The following ZBED1 variants were observed in gnomAD, a reference collection of about 807,000 sequenced individuals.
ZBED1 encodes E3 SUMO-protein ligase ZBED1.
In ZBED1, 19 loss-of-function variants were observed where a neutral mutation model predicts 49.7. That is an observed-to-expected ratio of 0.38 (90% CI 0.27 to 0.56). ZBED1 has a LOEUF of 0.56. ZBED1 is among the 20% of genes least tolerant of loss of function. The pLI is 0.70. For synonymous variants in ZBED1, 439 were observed against 440.3 expected, an observed-to-expected ratio of 1.00 and a Z score of 0.04; for missense variants, 806 against 972.6, an observed-to-expected ratio of 0.83 and a Z score of 2.28.
rs2045100107 is a variant in ZBED1 at position 2,490,303 on chromosome X, G to A, written c.417C>T (p.Tyr139=). The change falls in exon 2 of 2, where the codon TAC becomes TAT. Residue 139 remains tyrosine, a synonymous_variant. Coordinates refer to ENST00000652001, the MANE Select transcript of ZBED1 (RefSeq NM_001171136.2). ...TGGGCTCGTCCACGATGGAGGCTGGGTACAGCCCCTCGCAGATGAGGCCCA... is the reference window on the plus strand; with the variant it reads ...TGGGCTCGTCCACGATGGAGGCTGGATACAGCCCCTCGCAGATGAGGCCCA... ...AVLGLICEGL[Y]PASIVDEPTF... The A allele has an allele frequency of 1.9e-6, 3 of 1,613,402 alleles. No homozygotes were observed. Among genetic ancestry groups the A allele is most frequent in the South Asian group, 2.2e-5 (2 of 91,046 alleles).
chrX:2,494,493 G>A (rs2045233726), intron 1 of ZBED1, among the ~76,000 whole-genome samples: 1 of 151,886 alleles, frequency 6.6e-6, no homozygotes, highest in African/African-American at 2.4e-5. Context: ...GCCAGGACCT[G>A]TAGTAAAGGT....
intron 1 of ZBED1, among the ~76,000 whole-genome samples, chrX:2,497,990 C>G (rs2045323718): frequency 6.6e-6 from 1 of 152,200 alleles, no homozygotes; most frequent in African/African-American, 2.4e-5. Context: ...AACACAGAGA[C>G]AGACCCTCTT....
chrX:2,499,873 C>T (rs2045372235), intron 1 of ZBED1, among the ~76,000 whole-genome samples: 1 of 152,130 alleles, frequency 6.6e-6, no homozygotes, highest in South Asian at 2.1e-4. Context: ...AGCAAGACCC[C>T]GTCTACAAAA....
chrX:2,489,051 C>T lies in ZBED1; in HGVS notation c.1669G>A (p.Gly557Ser), dbSNP rs762013715. Residue 557 changes from glycine to serine, a missense_variant, in exon 2 of 2, where the codon GGC becomes AGC. By Grantham distance (56) the Gly-to-Ser change is moderately conservative. Coordinates refer to ENST00000652001, the MANE Select transcript of ZBED1 (RefSeq NM_001171136.2). Reference sequence around the variant, plus strand: ...TGCCACTCTTCCTGGTCCTCCACGCCGCCTGTCTGGCAGAAGATCTCGGCC... The same window carrying T: ...TGCCACTCTTCCTGGTCCTCCACGCTGCCTGTCTGGCAGAAGATCTCGGCC... ...MLAEIFCQTG[G>S]VEDQEEWHAQ... 13 of 1,613,716 alleles carry T rather than the reference C, an allele frequency of 8.1e-6. No individual in the cohort carries two copies. The highest frequency in any genetic ancestry group is 2.2e-5 in the East Asian group (1 of 44,892).
At chrX:2,490,959 CTCTT>C (rs1364111793) in intron 1 of ZBED1, among the ~76,000 whole-genome samples, 187 bp from the exon 2 acceptor site, 2 of 152,220 alleles carry the variant, frequency 1.3e-5, no homozygotes, top group African/African-American at 4.8e-5. Flanking sequence ...CAGGAATACG[CTCTT>C]TCTTCCACGT....
chrX:2,490,012 G>A lies in ZBED1; in HGVS notation c.708C>T (p.Phe236=), dbSNP rs756239774. The A allele has an allele frequency of 1.7e-5, 28 of 1,613,862 alleles. No homozygotes were observed. Among genetic ancestry groups the A allele is most frequent in the Admixed American group, 1.7e-4 (10 of 60,018 alleles). ...LSMGSRCLKT[F]EVPEENTAET... ...CCGCCGTGTTCTCTTCGGGCACCTC[G>A]AAGGTCTTCAGGCAGCGGGAGCCCA... The change falls in exon 2 of 2, where the codon TTC becomes TTT. Residue 236 remains phenylalanine (F), a synonymous_variant. Coordinates refer to ENST00000652001, the MANE Select transcript of ZBED1 (RefSeq NM_001171136.2).
chrX:2,499,474 A>G (rs1400422076), intron 1 of ZBED1, among the ~76,000 whole-genome samples: 1 of 152,216 alleles, frequency 6.6e-6, no homozygotes, highest in African/African-American at 2.4e-5. Flanking sequence ...TTCTAGGTTT[A>G]AATTGAGAAT....
At position 2,486,802 on chromosome X, in the gene ZBED1, T is replaced by G. The variant is rs2044946638; in HGVS notation, c.*1833A>C. ...CCTTAAAAAGAAAGCAAAGGTTACG[T>G]GGATTTCTCCCGTGCTTCCTTTTCC... On this transcript the variant is annotated 3_prime_UTR_variant, in exon 2 of 2. Transcript: ENST00000652001. The G allele has an allele frequency of 6.6e-6, 1 of 152,252 alleles. No individual in the cohort carries two copies. Among genetic ancestry groups the G allele is most frequent in the African/African-American group, 2.4e-5 (1 of 41,454 alleles). 9.4% of individuals were successfully genotyped at this position (152,252 alleles called of 1,614,324 possible).
Position 2,486,634 on chromosome X carries a change from G to A in ZBED1, c.*2001C>T, listed in dbSNP as rs1207977279. The A allele has an allele frequency of 1.3e-5, 2 of 152,218 alleles. No homozygotes were observed. The highest frequency in any genetic ancestry group is 2.4e-5 in the African/African-American group (1 of 41,458). The allele number at this position is 152,218 out of a possible 1,614,324, so 9.4% of individuals were successfully genotyped here. A position where few individuals can be genotyped will look rare whatever the true frequency, so the allele number is the denominator to read the frequency against. On this transcript the variant is annotated 3_prime_UTR_variant, in exon 2 of 2. Transcript: ENST00000652001. The stretch of plus-strand genomic sequence containing the variant: ...GGCAATGCTACAGAATGGAGCCCAC[G>A]GAGGCGTGGGCTGCCCTGCGTCCCC...
rs377189160 is a variant in ZBED1, at chrX:2,488,617, A to C, written c.*18T>G. 4 of 1,573,686 alleles carry C rather than the reference A, an allele frequency of 2.5e-6. No individual in the cohort carries two copies. The highest frequency in any genetic ancestry group is 3.4e-6 in the Non-Finnish European group (4 of 1,161,824). Reference sequence around the variant, plus strand: ...TGGGCTGCTGCGGGGATGACTTGTAAGACAACACGCTTCCTCGCTACAGGA... The same window carrying C: ...TGGGCTGCTGCGGGGATGACTTGTACGACAACACGCTTCCTCGCTACAGGA... On this transcript the variant is annotated 3_prime_UTR_variant, in exon 2 of 2. Coordinates refer to ENST00000652001, the MANE Select transcript of ZBED1 (RefSeq NM_001171136.2).
chrX:2,499,348 C>A (rs1214812701), intron 1 of ZBED1, among the ~76,000 whole-genome samples: 25 of 152,052 alleles, frequency 1.6e-4, no homozygotes, highest in African/African-American at 6.0e-4. Flanking sequence ...CCCCACCACA[C>A]TGACCCTCTG....
chrX:2,489,309 C>T lies in ZBED1; in HGVS notation c.1411G>A (p.Val471Met), dbSNP rs2045054303. 1.9e-6 allele frequency: 3 copies of T among 1,613,910 alleles called. No homozygotes were observed. The highest frequency in any genetic ancestry group is 2.2e-5 in the East Asian group (1 of 44,862). ...TAGCGGGGGTCCAGGAAGGTGGCCA[C>T]GTTGAGAAACATGTCGATCTCGGGC... ...ETPEIDMFLN[V>M]ATFLDPRYKR... The change falls in exon 2 of 2, where the codon GTG (valine) becomes ATG (methionine). Residue 471 changes from valine (V) to methionine (M), a missense_variant. Physicochemically the swap from Val to Met is conservative, Grantham distance 21. Coordinates refer to ENST00000652001, the MANE Select transcript of ZBED1 (RefSeq NM_001171136.2).
Position 2,488,607 on chromosome X carries a change from A to C in ZBED1, c.*28T>G. ...AAGCATCCAATGGGCTGCTGCGGGG[A>C]TGACTTGTAAGACAACACGCTTCCT... On this transcript the variant is annotated 3_prime_UTR_variant, in exon 2 of 2. Transcript: ENST00000652001. 1 of 1,556,888 alleles carries C rather than the reference A, an allele frequency of 6.4e-7. No individual in the cohort carries two copies. The highest frequency in any genetic ancestry group is 8.7e-7 in the Non-Finnish European group (1 of 1,153,254).
chrX:2,489,721 A>G lies in ZBED1; in HGVS notation c.999T>C (p.Tyr333=). 1 of 1,613,076 alleles carries G rather than the reference A, an allele frequency of 6.2e-7. No homozygotes were observed. Among genetic ancestry groups the G allele is most frequent in the Non-Finnish European group, 8.5e-7 (1 of 1,179,840 alleles). The change falls in exon 2 of 2, where the codon TAT becomes TAC. Residue 333 remains tyrosine, a synonymous_variant. Coordinates refer to ENST00000652001, the MANE Select transcript of ZBED1 (RefSeq NM_001171136.2). ...QQSAVAMYML[Y]EKQKQQNVAH... ...CCACGTTCTGCTGCTTCTGCTTCTCATAGAGCATGTACATGGCCACGGCAG... is the reference window on the plus strand; with the variant it reads ...CCACGTTCTGCTGCTTCTGCTTCTCGTAGAGCATGTACATGGCCACGGCAG...
rs756417678 is a variant in ZBED1 at position 2,493,795 on chromosome X, C to T, written c.-53-3023G>A. On this transcript the variant is annotated intron_variant, in intron 1 of 1. Coordinates refer to ENST00000652001, the MANE Select transcript of ZBED1 (RefSeq NM_001171136.2). ...GACCACCCTGGACAACATGGTGAAACCCCTCCTCTACTAAAAATACAAAAT... is the reference window on the plus strand; with the variant it reads ...GACCACCCTGGACAACATGGTGAAATCCCTCCTCTACTAAAAATACAAAAT... Among the ~76,000 whole-genome samples, 3 of 152,100 alleles carry T rather than the reference C, an allele frequency of 2.0e-5. No homozygotes were observed. In the East Asian group the frequency reaches 5.8e-4, roughly 29 times the overall value.
At position 2,487,770 on chromosome X, in the gene ZBED1, G is replaced by T. The variant is rs1162755262; in HGVS notation, c.*865C>A. The stretch of plus-strand genomic sequence containing the variant: ...CTTTTTGTTAAGTGTCTGCATTTTT[G>T]TACTCATCTGTCACATTTTTAACCG... On this transcript the variant is annotated 3_prime_UTR_variant, in exon 2 of 2. Transcript: ENST00000652001. 6.6e-6 allele frequency: 1 copy of T among 151,442 alleles called. No homozygotes were observed. Among genetic ancestry groups the T allele is most frequent in the Non-Finnish European group, 1.5e-5 (1 of 67,902 alleles). 9.4% of individuals were successfully genotyped at this position (151,442 alleles called of 1,614,324 possible).
At position 2,488,349 on chromosome X, in the gene ZBED1, ATT is replaced by A. The variant is rs1288645261; in HGVS notation, c.*284_*285del. The A allele has an allele frequency of 2.6e-6, 1 of 388,500 alleles. No individual in the cohort carries two copies. The highest frequency in any genetic ancestry group is 4.5e-6 in the Non-Finnish European group (1 of 221,480). The allele number at this position is 388,500 out of a possible 1,614,324, so 24.1% of individuals were successfully genotyped here. A position where few individuals can be genotyped will look rare whatever the true frequency, so the allele number is the denominator to read the frequency against. ...GCCATCAGTCCTGGCTAATTTTTGT[ATT>A]TTTAGTAGAGACGGGGTTTCGCCAT... On this transcript the variant is annotated 3_prime_UTR_variant, in exon 2 of 2. Coordinates refer to ENST00000652001, the MANE Select transcript of ZBED1 (RefSeq NM_001171136.2).
intron 1 of ZBED1, among the ~76,000 whole-genome samples, chrX:2,492,911 G>A (rs1177030712): frequency 7.2e-5 from 11 of 152,242 alleles, no homozygotes; most frequent in Non-Finnish European, 1.3e-4. Context: ...AATTTTGCCC[G>A]AAATAATGAG....
At position 2,499,511 on chromosome X, in the gene ZBED1, C is replaced by G. The variant is rs182586241; in HGVS notation, c.-54+1306G>C. The stretch of plus-strand genomic sequence containing the variant: ...TGGGCTGGGCACAGTGGCGCTCTGT[C>G]TGTAATCCCAGCAGTTTGGGAGGCC... On this transcript the variant is annotated intron_variant, in intron 1 of 1. Coordinates refer to ENST00000652001, the MANE Select transcript of ZBED1 (RefSeq NM_001171136.2). Among the ~76,000 whole-genome samples, 532 of 152,334 alleles carry G rather than the reference C, an allele frequency of 3.5e-3. 10 individuals carry two copies. Among genetic ancestry groups the G allele is most frequent in the Admixed American group, 0.03 (454 of 15,292 alleles).
Sources: allele counts gnomAD v4.1 joint callset (sites outside exome capture counted in the v4.1 genomes callset), GRCh38; gene constraint gnomAD v4.1.1; transcripts MANE v1.5; gene names NCBI Gene and HGNC (gene_info 2026-07-23, HGNC 2026-07-21).